SERPINF2: variants seen among roughly 807,000 people sequenced by gnomAD.
SERPINF2 encodes alpha-2-antiplasmin.
A neutral mutation model predicts 45.0 loss-of-function variants in SERPINF2; 15 were observed. That is an observed-to-expected ratio of 0.33 (90% CI 0.22 to 0.51). The LOEUF (loss-of-function observed/expected upper bound fraction) is 0.51. Among genes scored for constraint, SERPINF2 ranks in the 20% least tolerant of loss-of-function variants. The pLI is 0.97. For synonymous variants in SERPINF2, 283 were observed against 277.9 expected (o/e 1.02, Z -0.18); for missense variants, 518 against 637.4 (o/e 0.81, Z 2.02).
chr17:1,745,113 G>T lies in SERPINF2; in HGVS notation c.63+55G>T. 1.9e-6 allele frequency: 3 copies of T among 1,605,132 alleles called. No homozygotes were observed. Among genetic ancestry groups the T allele is most frequent in the South Asian group, 1.1e-5 (1 of 90,332 alleles). On this transcript the variant is annotated intron_variant, in intron 2 of 9. Coordinates refer to ENST00000453066, the MANE Select transcript of SERPINF2 (RefSeq NM_000934.4). This position sits in a 1 kb window ranked among gnomAD's most constrained non-coding sequence, Gnocchi z 6.2. ...GGGGTGGAGGGGGAAGAAGAGGGGC[G>T]TTGGCATGGAGGGAGGGCTTGGCTC... is the stretch of plus-strand genomic sequence containing the variant.
chr17:1,751,247 G>C (rs1020186797), intron 8 of SERPINF2, among the ~76,000 whole-genome samples: 41 of 152,116 alleles, frequency 2.7e-4, no homozygotes, highest in Non-Finnish European at 5.3e-4. Context: ...TCTGGAGTTT[G>C]AGACCAGCCT....
rs185864979 is a variant in SERPINF2 at position 1,746,042 on chromosome 17, C to T, written c.367+133C>T. ...TTGGTAAAAATGCAGATTCCTAGGC[C>T]GGGGCGGTGGCTCACGCCTGTAATC... On this transcript the variant is annotated intron_variant, in intron 5 of 9. Transcript: ENST00000453066. 516 of 1,020,944 alleles carry T rather than the reference C, an allele frequency of 5.1e-4. 6 individuals are homozygous for T. In the East Asian group the frequency reaches 9.6e-3, roughly 19 times the overall value. The allele number at this position is 1,020,944 out of a possible 1,614,324, so 63.2% of individuals were successfully genotyped here.
chr17:1,753,697 A>G (rs1039555613), intron 9 of SERPINF2, among the ~76,000 whole-genome samples: 34 of 152,342 alleles, frequency 2.2e-4, no homozygotes, highest in Admixed American at 1.8e-3. Context: ...AAAAAAAATT[A>G]TAATAACTAA....
Position 1,752,718 on chromosome 17 carries a change from C to T in SERPINF2, c.991C>T (p.Pro331Ser), listed in dbSNP as rs1255972495. The T allele has an allele frequency of 1.2e-6, 2 of 1,613,922 alleles. No homozygotes were observed. Among genetic ancestry groups the T allele is most frequent in the Non-Finnish European group, 1.7e-6 (2 of 1,180,030 alleles). Residue 331 changes from proline (P) to serine (S), a missense_variant, in exon 9 of 10, where the codon CCC becomes TCC. Pro to Ser is a moderately conservative substitution (Grantham distance 74). Around this residue, in one of 2 missense-constraint regions of SERPINF2, gnomAD observed 435 missense variants for 577.3 expected, o/e 0.75. Transcript: ENST00000453066. ...TLHPPLVWER[P>S]TKVRLPKLYL... The stretch of plus-strand genomic sequence containing the variant: ...GCACCCACCTCTGGTGTGGGAGAGG[C>T]CCACCAAGGTCCGGCTGCCTAAGCT...
At chr17:1,748,155 G>C (rs1906026028) in intron 7 of SERPINF2, among the ~76,000 whole-genome samples, 1 of 152,044 alleles carries the variant, frequency 6.6e-6, no homozygotes, top group African/African-American at 2.4e-5. Context: ...AAAAAAATTA[G>C]CTGGGCGTAG....
intron 8 of SERPINF2, among the ~76,000 whole-genome samples, chr17:1,750,210 G>A (rs35050485): frequency 0.23 from 35,411 of 151,908 alleles, 4,142 homozygotes; most frequent in South Asian, 0.39. Flanking sequence ...GTGCAGTGGT[G>A]CAATCTCGGT....
Position 1,754,915 on chromosome 17 carries a change from C to T in SERPINF2, c.*381C>T. 3.4e-6 allele frequency: 1 copy of T among 295,230 alleles called. No homozygotes were observed. The highest frequency in any genetic ancestry group is 4.8e-5 in the Admixed American group (1 of 20,816). 18.3% of individuals were successfully genotyped at this position (295,230 alleles called of 1,614,324 possible). A position where few individuals can be genotyped will look rare whatever the true frequency, so the allele number is the denominator to read the frequency against. On this transcript the variant is annotated 3_prime_UTR_variant, in exon 10 of 10. Transcript: ENST00000453066. ...GGGAGAGGGCTGCCTTTGGACTTGT[C>T]CCGGGACACCTAGGCTAGGGTGGGG...
Position 1,748,711 on chromosome 17 carries a change from T to G in SERPINF2, c.829T>G (p.Trp277Gly). ...MMQARTYPLR[W>G]FLLEQPEIQV... ...GCAGGCCCGCACGTACCCGCTGCGC[T>G]GGTTCTTGCTGGAGCAGCCTGAGAT... The change falls in exon 8 of 10, where the codon TGG (tryptophan) becomes GGG (glycine). Residue 277 changes from tryptophan (W) to glycine (G), a missense_variant. Coordinates refer to ENST00000453066, the MANE Select transcript of SERPINF2 (RefSeq NM_000934.4). 1 of 1,527,580 alleles carries G rather than the reference T, an allele frequency of 6.5e-7. No homozygotes were observed. Among genetic ancestry groups the G allele is most frequent in the Non-Finnish European group, 9.1e-7 (1 of 1,101,188 alleles). 94.6% of individuals were successfully genotyped at this position (1,527,580 alleles called of 1,614,324 possible).
chr17:1,751,432 A>G (rs1214941248), intron 8 of SERPINF2, among the ~76,000 whole-genome samples: 2 of 88,356 alleles, frequency 2.3e-5, no homozygotes, highest in African/African-American at 3.1e-5. Flanking sequence ...CTGGACAATA[A>G]GAGTGAAACT....
At position 1,745,068 on chromosome 17, in the gene SERPINF2, G is replaced by A. The variant is rs746320572; in HGVS notation, c.63+10G>A. The A allele has an allele frequency of 6.2e-7, 1 of 1,612,756 alleles. No individual in the cohort carries two copies. Among genetic ancestry groups the A allele is most frequent in the Admixed American group, 1.7e-5 (1 of 60,008 alleles). ...AGGCCCCTGCTCCGTGGTGAGGCTGGGCTGAAGTCAAGGTGGGGTGGGGTG... is the reference window on the plus strand; with the variant it reads ...AGGCCCCTGCTCCGTGGTGAGGCTGAGCTGAAGTCAAGGTGGGGTGGGGTG... On this transcript the variant is annotated intron_variant, in intron 2 of 9. Coordinates refer to ENST00000453066, the MANE Select transcript of SERPINF2 (RefSeq NM_000934.4). This position sits in a 1 kb window ranked among gnomAD's most constrained non-coding sequence, Gnocchi z 6.2.
chr17:1,745,528 G>C lies in SERPINF2; in HGVS notation c.165+133G>C. On this transcript the variant is annotated intron_variant, in intron 4 of 9. Coordinates refer to ENST00000453066, the MANE Select transcript of SERPINF2 (RefSeq NM_000934.4). This position sits in a 1 kb window ranked among gnomAD's most constrained non-coding sequence, Gnocchi z 6.2. ...CAGAGGCCAGAAGGGAGAGAGGGTG[G>C]GGAGGACCGAAGGTGGGCGCCAGGC... 6 of 1,243,456 alleles carry C rather than the reference G, an allele frequency of 4.8e-6. No homozygotes were observed. The highest frequency in any genetic ancestry group is 6.9e-6 in the Non-Finnish European group (6 of 875,684). The allele number at this position is 1,243,456 out of a possible 1,614,324, so 77.0% of individuals were successfully genotyped here.
At chr17:1,744,326 C>T (rs1172055037) in intron 1 of SERPINF2, among the ~76,000 whole-genome samples, 3 of 151,938 alleles carry the variant, frequency 2.0e-5, no homozygotes, top group African/African-American at 7.3e-5. Context: ...AACCCCGTTT[C>T]TACTAAGAAA....
chr17:1,748,582 C>G lies in SERPINF2; in HGVS notation c.716-16C>G, dbSNP rs1555568988. On this transcript the variant is annotated splice_polypyrimidine_tract_variant and intron_variant, in intron 7 of 9. Transcript: ENST00000453066. ...GGTCCCCGTCGACGTGACCCCTGCC[C>G]TCTGCTGGGTTTCAGGTTTCTGGAG... 1 of 1,612,586 alleles carries G rather than the reference C, an allele frequency of 6.2e-7. No individual in the cohort carries two copies. Among genetic ancestry groups the G allele is most frequent in the Non-Finnish European group, 8.5e-7 (1 of 1,180,002 alleles).
At chr17:1,751,987 T>C (rs1454803747) in intron 8 of SERPINF2, among the ~76,000 whole-genome samples, 1 of 138,308 alleles carries the variant, frequency 7.2e-6, no homozygotes, top group African/African-American at 2.5e-5. Flanking sequence ...TGGTAGCCGG[T>C]GAAGAGAGAA....
At chr17:1,748,466 G>C (rs1249492059) in intron 7 of SERPINF2, 132 bp from the exon 8 acceptor site, 26 of 1,172,876 alleles carry the variant, frequency 2.2e-5, no homozygotes, top group Non-Finnish European at 3.0e-5. Flanking sequence ...TCTCATCCTT[G>C]AATGGATTCT....
In SERPINF2 at chr17:1,754,946, C is replaced by T. The variant is rs959292661; in HGVS notation, c.*412C>T. 8.9e-5 allele frequency: 21 copies of T among 236,620 alleles called. No homozygotes were observed. Among genetic ancestry groups the T allele is most frequent in the Non-Finnish European group, 1.4e-4 (17 of 122,258 alleles). 14.7% of individuals were successfully genotyped at this position (236,620 alleles called of 1,614,324 possible). A position where few individuals can be genotyped will look rare whatever the true frequency, so the allele number is the denominator to read the frequency against. On this transcript the variant is annotated 3_prime_UTR_variant, in exon 10 of 10. Transcript: ENST00000453066. ...ACACCTAGGCTAGGGTGGGGAGAGA[C>T]GGGCCCTGGTGGTGGCTCGGGAGGC...
chr17:1,753,135 T>C (rs765663912), intron 9 of SERPINF2, among the ~76,000 whole-genome samples: 5 of 152,012 alleles, frequency 3.3e-5, no homozygotes, highest in African/African-American at 4.8e-5. Context: ...CTGGGTGGAG[T>C]GGCTCATGCC....
chr17:1,744,018 C>T lies in SERPINF2; in HGVS notation c.-4-974C>T, dbSNP rs528807308. ...TTCAAGCAGTTCTCTGCCTCAGCCT[C>T]CCGAGTAGCTGGGATTACAGGGGCC... is the stretch of plus-strand genomic sequence containing the variant. On this transcript the variant is annotated intron_variant, in intron 1 of 9. Coordinates refer to ENST00000453066, the MANE Select transcript of SERPINF2 (RefSeq NM_000934.4). 3.3e-5 allele frequency among the ~76,000 whole-genome samples: 5 copies of T among 151,444 alleles called. No individual in the cohort carries two copies. The South Asian group carries it at 1.0e-3, about 31-fold the overall frequency.
At chr17:1,749,265 A>T (rs1906148558) in intron 8 of SERPINF2, among the ~76,000 whole-genome samples, 1 of 152,180 alleles carries the variant, frequency 6.6e-6, no homozygotes, top group Non-Finnish European at 1.5e-5. Flanking sequence ...TTTCTACTAA[A>T]AATACAAAAA....
Sources: allele counts gnomAD v4.1 joint callset (sites outside exome capture counted in the v4.1 genomes callset), GRCh38; gene constraint gnomAD v4.1.1; regional missense constraint gnomAD v4.1.1; non-coding constraint Gnocchi (gnomAD v3.1); transcripts MANE v1.5; gene names NCBI Gene and HGNC (gene_info 2026-07-23, HGNC 2026-07-21).